ARHGAP32: variants seen among roughly 807,000 people sequenced by gnomAD.
ARHGAP32 encodes the protein rho GTPase-activating protein 32.
A neutral mutation model predicts 186.5 loss-of-function variants in ARHGAP32; 51 were observed. That is an observed-to-expected ratio of 0.27 (90% CI 0.22 to 0.35). The LOEUF (loss-of-function observed/expected upper bound fraction) is 0.35. ARHGAP32 is among the 10% of genes least tolerant of loss of function. The pLI is 1.00. For missense variants in ARHGAP32, 2,186 were observed against 2,623.5 expected, an observed-to-expected ratio of 0.83 and a Z score of 3.64; for synonymous variants, 950 against 964.3, an observed-to-expected ratio of 0.99 and a Z score of 0.27.
At chr11:129,021,507 C>T (rs777922320) in intron 11 of ARHGAP32, among the ~76,000 whole-genome samples, 3 of 152,038 alleles carry the variant, frequency 2.0e-5, no homozygotes, top group Non-Finnish European at 2.9e-5. Context: ...CCTGCTCATG[C>T]TAGACCTTTA....
intron 5 of ARHGAP32, among the ~76,000 whole-genome samples, chr11:129,111,263 G>A (rs1942204503): frequency 6.6e-6 from 1 of 152,126 alleles, no homozygotes; most frequent in South Asian, 2.1e-4. Context: ...TGCATCCCTG[G>A]AATAAATTCC....
chr11:129,038,888 G>GAAA (rs56810685), intron 11 of ARHGAP32, among the ~76,000 whole-genome samples: 3 of 92,192 alleles, frequency 3.3e-5, no homozygotes, highest in African/African-American at 4.3e-5. Context: ...ACCCTGTCTC[G>GAAA]AAAAAAAAAA....
intron 10 of ARHGAP32, among the ~76,000 whole-genome samples, chr11:129,045,191 C>T (rs116054162): frequency 1.5e-3 from 222 of 152,258 alleles, no homozygotes; most frequent in African/African-American, 5.0e-3. Context: ...CAGGCAAAGC[C>T]GCAACACATG....
chr11:129,170,489 G>A (rs1025475401), intron 1 of ARHGAP32, among the ~76,000 whole-genome samples: 2 of 152,104 alleles, frequency 1.3e-5, no homozygotes, highest in Admixed American at 1.3e-4. Flanking sequence ...CTCTGTCCAT[G>A]TCCCTGAAAA....
At chr11:128,971,983 G>A (rs1945388127) in intron 22 of ARHGAP32, 1 of 152,622 alleles carries the variant, frequency 6.6e-6, no homozygotes. Context: ...CTTCCAAAAA[G>A]TCTGCAAGGC....
chr11:129,154,864 C>G (rs1943365617), intron 2 of ARHGAP32, among the ~76,000 whole-genome samples: 1 of 151,004 alleles, frequency 6.6e-6, no homozygotes, highest in African/African-American at 2.4e-5. Context: ...GCCACCTGTT[C>G]CCCAAAAACT....
intron 5 of ARHGAP32, among the ~76,000 whole-genome samples, chr11:129,101,491 C>T (rs1429232704): frequency 6.6e-6 from 1 of 152,004 alleles, no homozygotes; most frequent in Non-Finnish European, 1.5e-5. Context: ...ACAAAATAGC[C>T]AGTATAGAAA....
At chr11:129,059,689 G>A (rs1940412028) in intron 10 of ARHGAP32, among the ~76,000 whole-genome samples, 2 of 151,716 alleles carry the variant, frequency 1.3e-5, no homozygotes, top group South Asian at 4.2e-4. Flanking sequence ...TAGTAGAGAT[G>A]GGGTTTCATC....
intron 1 of ARHGAP32, among the ~76,000 whole-genome samples, chr11:129,253,450 A>G (rs1945213115): frequency 6.6e-6 from 1 of 152,166 alleles, no homozygotes; most frequent in East Asian, 1.9e-4. Context: ...CAGAGCCACA[A>G]TATTTTCAGA....
chr11:129,090,676 AT>A (rs1941549402), intron 6 of ARHGAP32, among the ~76,000 whole-genome samples: 1 of 152,172 alleles, frequency 6.6e-6, no homozygotes, highest in African/African-American at 2.4e-5. Flanking sequence ...TAAATTTGCC[AT>A]TTTAAAATGA....
At chr11:129,060,817 AAT>A (rs1940471306) in intron 10 of ARHGAP32, among the ~76,000 whole-genome samples, 3 of 136,760 alleles carry the variant, frequency 2.2e-5, no homozygotes, top group African/African-American at 7.7e-5. Context: ...ATTAAAAAAA[AAT>A]TATACATCAG....
chr11:129,075,337 C>G (rs866593857), intron 6 of ARHGAP32, among the ~76,000 whole-genome samples: 18 of 152,016 alleles, frequency 1.2e-4, no homozygotes, highest in South Asian at 2.1e-4. Flanking sequence ...GCAAAAATAG[C>G]TATATTTACT....
chr11:128,993,043 T>C (rs1187995521), intron 12 of ARHGAP32, among the ~76,000 whole-genome samples: 3 of 152,166 alleles, frequency 2.0e-5, no homozygotes, highest in Admixed American at 2.0e-4. Context: ...ACAACTGCCT[T>C]GTCAGGCTCC....
At chr11:129,193,783 CA>C (rs987845689), upstream of ARHGAP32, among the ~76,000 whole-genome samples, 2 of 114,966 alleles carry the variant, frequency 1.7e-5, no homozygotes, top group African/African-American at 3.3e-5. Flanking sequence ...AAAAACTTTT[CA>C]AAAAAAATTT....
chr11:129,206,948 T>G (rs1017095431), intron 1 of ARHGAP32, among the ~76,000 whole-genome samples: 22 of 151,986 alleles, frequency 1.4e-4, no homozygotes, highest in African/African-American at 5.3e-4. Flanking sequence ...TGTTCCCCTC[T>G]CTGTGTCCAT....
chr11:129,274,899 A>G (rs1293382748), intron 1 of ARHGAP32, among the ~76,000 whole-genome samples: 2 of 151,692 alleles, frequency 1.3e-5, no homozygotes, highest in Non-Finnish European at 2.9e-5. Context: ...TTTCTCATTC[A>G]TCTTTCTAAA....
At chr11:129,117,858 T>C (rs1942412339) in intron 5 of ARHGAP32, among the ~76,000 whole-genome samples, 1 of 151,612 alleles carries the variant, frequency 6.6e-6, no homozygotes, top group African/African-American at 2.4e-5. Flanking sequence ...TTACAAGAGA[T>C]TCCCCCCGCT....
intron 2 of ARHGAP32, among the ~76,000 whole-genome samples, chr11:129,144,149 G>A (rs4937400): frequency 0.15 from 23,012 of 152,106 alleles, 2,126 homozygotes; most frequent in African/African-American, 0.26. Flanking sequence ...TAACAAAATA[G>A]ACTTAATGCT....
At chr11:129,027,941 G>A (rs893578723) in intron 11 of ARHGAP32, among the ~76,000 whole-genome samples, 3 of 152,154 alleles carry the variant, frequency 2.0e-5, no homozygotes, top group Non-Finnish European at 4.4e-5. Context: ...ATGAATATCG[G>A]AAATGGCCAA....
Sources: allele counts gnomAD v4.1 joint callset (sites outside exome capture counted in the v4.1 genomes callset), GRCh38; gene constraint gnomAD v4.1.1; transcripts MANE v1.5; gene names NCBI Gene and HGNC (gene_info 2026-07-23, HGNC 2026-07-21).